The following HERC1 variants were observed in gnomAD, a reference collection of about 807,000 sequenced individuals.
HERC1 encodes the protein HECT and RLD domain containing E3 ubiquitin protein ligase family member 1.
Under a neutral mutation model 554.3 loss-of-function variants are expected in HERC1, and 160 were observed. The observed-to-expected ratio is 0.29, with a 90% CI of 0.25 to 0.33. The LOEUF (loss-of-function observed/expected upper bound fraction) is 0.33. Ranked by LOEUF, HERC1 falls within the 10% of genes least tolerant of loss-of-function variation. The pLI is 1.00. For synonymous variants in HERC1, 2,175 were observed against 2,131.7 expected (o/e 1.02, Z -0.56); for missense variants, 4,919 against 5,918.5 (o/e 0.83, Z 5.54).
intron 24 of HERC1, among the ~76,000 whole-genome samples, chr15:63,707,928 C>CAAAAAAAAAAAAAAAAAAAAAAAAA (rs71131176): frequency 1.8e-5 from 1 of 55,160 alleles, no homozygotes. Flanking sequence ...GACTCCCTCT[C>CAAAAAAAAAAAAAAAAAAAAAAAAA]AAAAAAAAAA....
chr15:63,738,241 G>A (rs1400793650), intron 12 of HERC1, among the ~76,000 whole-genome samples: 1 of 152,116 alleles, frequency 6.6e-6, no homozygotes, highest in Non-Finnish European at 1.5e-5. Context: ...CTCATGAAAT[G>A]TCAAGCTCGT....
chr15:63,756,927 C>T lies in HERC1; in HGVS notation c.1222-179G>A, dbSNP rs187459256. 3.3e-5 allele frequency among the ~76,000 whole-genome samples: 5 copies of T among 152,242 alleles called. No individual in the cohort carries two copies. The East Asian group carries it at 9.6e-4, about 29-fold the overall frequency. On this transcript the variant is annotated intron_variant, in intron 4 of 77. Transcript: ENST00000443617. The surrounding 1 kb of genome is among the most constrained non-coding windows in gnomAD (Gnocchi z 5.0). The stretch of plus-strand genomic sequence containing the variant: ...AACACGAATGGCCTTTTCATGCTCA[C>T]AACTTTGTTGCTGAGTTCAAATTCT...
intron 54 of HERC1, 73 bp from the exon 55 acceptor site, chr15:63,648,272 T>A (rs2069463103): frequency 7.1e-7 from 1 of 1,401,826 alleles, no homozygotes; most frequent in South Asian, 1.3e-5. Flanking sequence ...GACAGAGACT[T>A]TGAAACAAAT....
At chr15:63,693,036 A>C (rs8025632) in intron 30 of HERC1, among the ~76,000 whole-genome samples, 123,485 of 151,668 alleles carry the variant, frequency 0.81, 52,125 homozygotes, top group Non-Finnish European at 0.88. Context: ...CAAAAATTAG[A>C]TGGGTGTGGT....
rs369439468 is a variant in HERC1 at position 63,688,283 on chromosome 15, T to C, written c.6048+1306A>G. Among the ~76,000 whole-genome samples the C allele has an allele frequency of 3.9e-5, 6 of 152,292 alleles. No homozygotes were observed. In the East Asian group the frequency reaches 1.2e-3, roughly 29 times the overall value. ...GAGAAATGGGGGTGAGGCATCAAGA[T>C]GACTCCTAGGTTTTTCACTTGAGTA... is the stretch of plus-strand genomic sequence containing the variant. On this transcript the variant is annotated intron_variant, in intron 33 of 77. Transcript: ENST00000443617.
chr15:63,788,114 T>C (rs2076515837), intron 1 of HERC1, among the ~76,000 whole-genome samples: 1 of 152,082 alleles, frequency 6.6e-6, no homozygotes, highest in South Asian at 2.1e-4. Context: ...TTGTATAAAA[T>C]TGTAGGAAAA....
intron 3 of HERC1, among the ~76,000 whole-genome samples, chr15:63,762,096 G>T (rs896165786): frequency 5.3e-5 from 8 of 152,132 alleles, no homozygotes; most frequent in African/African-American, 1.9e-4. Flanking sequence ...AAACTAGCTA[G>T]ATGATTCCAG....
At chr15:63,726,983 A>G (rs2074068866) in intron 17 of HERC1, among the ~76,000 whole-genome samples, 1 of 152,216 alleles carries the variant, frequency 6.6e-6, no homozygotes, top group African/African-American at 2.4e-5. Context: ...GACGCTTTAG[A>G]AAAGAATAAA....
intron 54 of HERC1, among the ~76,000 whole-genome samples, chr15:63,649,158 T>C (rs190696191): frequency 6.6e-6 from 1 of 152,000 alleles, no homozygotes; most frequent in East Asian, 1.9e-4. Flanking sequence ...ATCGAGACCA[T>C]CCTGGCCAAC....
chr15:63,690,640 A>G lies in HERC1; in HGVS notation c.5838T>C (p.Pro1946=). 1 of 1,588,664 alleles carries G rather than the reference A, an allele frequency of 6.3e-7. No homozygotes were observed. Among genetic ancestry groups the G allele is most frequent in the Non-Finnish European group, 8.6e-7 (1 of 1,159,326 alleles). The stretch of plus-strand genomic sequence containing the variant: ...GCCTTGTTCTTAAGTTACCAACCAG[A>G]GGGATACCTGGAGGGGAAAAGACCT... ...IASQKCSSGI[P]LVGNLRTRLL... Residue 1946 remains proline (P), a synonymous_variant, in exon 32 of 78, where the codon CCT becomes CCC. Transcript: ENST00000443617.
rs2069271188 is a variant in HERC1, at chr15:63,645,188, A to G, written c.11079-91T>C. 11 of 937,400 alleles carry G rather than the reference A, an allele frequency of 1.2e-5. No homozygotes were observed. In the East Asian group the frequency reaches 2.6e-4, roughly 23 times the overall value. 58.1% of individuals were successfully genotyped at this position (937,400 alleles called of 1,614,324 possible). A position where few individuals can be genotyped will look rare whatever the true frequency, so the allele number is the denominator to read the frequency against. ...TTGCAATCAATTAAGATCTGATAGA[A>G]CCACTGCATTATTTTTTAAACTTAT... is the stretch of plus-strand genomic sequence containing the variant. On this transcript the variant is annotated intron_variant, in intron 56 of 77. Transcript: ENST00000443617.
intron 33 of HERC1, among the ~76,000 whole-genome samples, chr15:63,689,253 C>T (rs2071965224): frequency 1.3e-5 from 2 of 152,134 alleles, no homozygotes. Context: ...CATTTAATTT[C>T]GTACTTTGAT....
intron 1 of HERC1, among the ~76,000 whole-genome samples, chr15:63,827,890 C>T (rs866550754): frequency 1.2e-4 from 19 of 152,108 alleles, no homozygotes; most frequent in South Asian, 4.1e-4. Context: ...AGGCACAAAA[C>T]GCCACATATT....
intron 67 of HERC1, among the ~76,000 whole-genome samples, chr15:63,633,367 A>C (rs2068645561): frequency 6.6e-6 from 1 of 152,256 alleles, no homozygotes; most frequent in African/African-American, 2.4e-5. Flanking sequence ...CTGTAGAGTC[A>C]AGAAATCTTC....
At position 63,615,915 on chromosome 15, in the gene HERC1, A is replaced by T; in HGVS notation, c.13947T>A (p.Ile4649=). The T allele has an allele frequency of 6.3e-7, 1 of 1,592,124 alleles. No homozygotes were observed. Among genetic ancestry groups the T allele is most frequent in the Non-Finnish European group, 8.5e-7 (1 of 1,171,294 alleles). ...TCTGGCCAACAAAAGAATCAAGAGG[A>T]ATCATCTAGGAACAGAAGAAAACAG... is the stretch of plus-strand genomic sequence containing the variant. The part of the protein sequence containing the change: ...GITEESFHEM[I]PLDSFVGQSA... The change falls in exon 76 of 78, where the codon ATT becomes ATA. Residue 4649 remains isoleucine, a synonymous_variant. Coordinates refer to ENST00000443617, the MANE Select transcript of HERC1 (RefSeq NM_003922.4).
intron 12 of HERC1, among the ~76,000 whole-genome samples, chr15:63,741,362 T>C (rs1596122790): frequency 6.6e-6 from 1 of 151,660 alleles, no homozygotes; most frequent in East Asian, 1.9e-4. Context: ...TTCATTCTTG[T>C]CTCCCAGGCT....
At chr15:63,688,918 C>T (rs1280727042) in intron 33 of HERC1, among the ~76,000 whole-genome samples, 2 of 152,092 alleles carry the variant, frequency 1.3e-5, no homozygotes, top group African/African-American at 2.4e-5. Flanking sequence ...GACACCCAGG[C>T]TAGCATTTAA....
chr15:63,668,241 A>G (rs2070738209), intron 40 of HERC1, among the ~76,000 whole-genome samples: 1 of 152,200 alleles, frequency 6.6e-6, no homozygotes. Context: ...AAGGTAGAGA[A>G]TATCAGATTG....
Position 63,656,220 on chromosome 15 carries a change from T to C in HERC1, c.9738A>G (p.Ser3246=), listed in dbSNP as rs778328089. ...STSPSAMAST[S]ERSRGGHSKA... ...TGCTATGCCCACCTCGTGATCGTTC[T>C]GAGGTGCTAGCCATGGCAGAAGGGC... Residue 3246 remains serine (S), a synonymous_variant, in exon 49 of 78, where the codon TCA becomes TCG. Transcript: ENST00000443617. 9 of 1,613,582 alleles carry C rather than the reference T, an allele frequency of 5.6e-6. No individual in the cohort carries two copies. In the Admixed American group the frequency reaches 1.5e-4, roughly 27 times the overall value.
Sources: allele counts gnomAD v4.1 joint callset (sites outside exome capture counted in the v4.1 genomes callset), GRCh38; gene constraint gnomAD v4.1.1; non-coding constraint Gnocchi (gnomAD v3.1); transcripts MANE v1.5; gene names NCBI Gene and HGNC (gene_info 2026-07-23, HGNC 2026-07-21).